FOLR1: variants seen among roughly 807,000 people sequenced by gnomAD.
FOLR1 encodes KB cells FBP.
In FOLR1, 11 loss-of-function variants were observed where a neutral mutation model predicts 22.8. The ratio of observed to expected loss-of-function variants is 0.48; its 90% CI spans 0.30 to 0.80. FOLR1 has a LOEUF of 0.80. Among genes scored for constraint, FOLR1 ranks in the 30% least tolerant of loss-of-function variants. FOLR1 has a pLI of 0.06. For synonymous variants in FOLR1, 108 were observed against 116.5 expected (o/e 0.93, Z 0.47); for missense variants, 273 against 320.3 (o/e 0.85, Z 1.13).
Position 72,196,026 on chromosome 11 carries a change from G to A in FOLR1, c.623G>A (p.Arg208His), listed in dbSNP as rs145250531. The A allele has an allele frequency of 1.2e-5, 19 of 1,614,060 alleles. No individual in the cohort carries two copies. The highest frequency in any genetic ancestry group is 8.3e-5 in the Admixed American group (5 of 59,982). Residue 208 changes from arginine to histidine, a missense_variant, in exon 4 of 4, where the codon CGC (arginine) becomes CAC (histidine). Physicochemically the swap from Arg to His is conservative, Grantham distance 29 (BLOSUM62 0). Coordinates refer to ENST00000393676, the MANE Select transcript of FOLR1 (RefSeq NM_016729.3). ...KVSNYSRGSG[R>H]CIQMWFDPAQ... Reference sequence around the variant, plus strand: ...AGCAACTACAGCCGAGGGAGTGGCCGCTGCATCCAGATGTGGTTCGACCCA... The same window carrying A: ...AGCAACTACAGCCGAGGGAGTGGCCACTGCATCCAGATGTGGTTCGACCCA...
In FOLR1 at chr11:72,196,132, T is replaced by G; in HGVS notation, c.729T>G (p.Pro243=). Residue 243 remains proline (P), a synonymous_variant, in exon 4 of 4, where the codon CCT becomes CCG. Transcript: ENST00000393676. The part of the protein sequence containing the change: ...MSGAGPWAAW[P]FLLSLALMLL... ...GGGCTGGGCCCTGGGCAGCCTGGCC[T>G]TTCCTGCTTAGCCTGGCCCTAATGC... is the stretch of plus-strand genomic sequence containing the variant. 6.2e-7 allele frequency: 1 copy of G among 1,614,178 alleles called. No homozygotes were observed. The highest frequency in any genetic ancestry group is 8.5e-7 in the Non-Finnish European group (1 of 1,180,034).
chr11:72,194,822 A>C (rs1948205381), intron 1 of FOLR1, among the ~76,000 whole-genome samples: 1 of 152,244 alleles, frequency 6.6e-6, no homozygotes, highest in Non-Finnish European at 1.5e-5. Flanking sequence ...CAAGTAAGCC[A>C]CTGCACCCAG....
chr11:72,190,025 G>A (rs1255299584), upstream of FOLR1, among the ~76,000 whole-genome samples: 1 of 152,182 alleles, frequency 6.6e-6, no homozygotes, highest in Non-Finnish European at 1.5e-5. Flanking sequence ...CCCAAGGTTG[G>A]GTGTGGGGGT....
chr11:72,190,155 A>C (rs925459854), upstream of FOLR1: 10 of 152,432 alleles, frequency 6.6e-5, no homozygotes, highest in African/African-American at 2.4e-4. Context: ...GCCTGGCTTC[A>C]GAAGCAGCCA....
rs753776182 is a variant in FOLR1 at position 72,195,982 on chromosome 11, GACTC to G, written c.584_587del (p.His195ProfsTer38). On this transcript the variant is annotated frameshift_variant, in exon 4 of 4. Transcript: ENST00000393676. LOFTEE classifies it low-confidence loss of function (END_TRUNC). ...CCACTGTTCTGTGCAATGAAATCTG[GACTC>G]ACTCCTACAAGGTCAGCAACTACAG... The G allele has an allele frequency of 1.7e-5, 27 of 1,614,012 alleles. No individual in the cohort carries two copies. The highest frequency in any genetic ancestry group is 2.2e-5 in the Non-Finnish European group (26 of 1,180,018).
At position 72,195,922 on chromosome 11, in the gene FOLR1, T is replaced by G. The variant is rs776132728; in HGVS notation, c.519T>G (p.Ala173=). The G allele has an allele frequency of 2.5e-6, 4 of 1,614,112 alleles. No homozygotes were observed. The East Asian group carries it at 8.9e-5, about 36-fold the overall frequency. ...GGTTTAACAAGTGCGCAGTGGGAGC[T>G]GCCTGCCAACCTTTCCATTTCTACT... The part of the protein sequence containing the change: ...TSGFNKCAVG[A]ACQPFHFYFP... The change falls in exon 4 of 4, where the codon GCT becomes GCG. Residue 173 remains alanine (A), a synonymous_variant. Transcript: ENST00000393676.
chr11:72,192,888 C>A (rs570925723), intron 1 of FOLR1, among the ~76,000 whole-genome samples: 1 of 152,086 alleles, frequency 6.6e-6, no homozygotes, highest in Non-Finnish European at 1.5e-5. Flanking sequence ...GAGCCGTACG[C>A]CCTCCTGAAG....
In FOLR1 at chr11:72,192,169, C is replaced by T. The variant is rs780451159; in HGVS notation, c.-5C>T. The T allele has an allele frequency of 6.8e-6, 11 of 1,613,970 alleles. No individual in the cohort carries two copies. The highest frequency in any genetic ancestry group is 1.3e-5 in the African/African-American group (1 of 74,934). Reference sequence around the variant, plus strand: ...CTGACCACAGCTCTTTCTTCAGGGACAGACATGGCTCAGCGGATGACAACA... The same window carrying T: ...CTGACCACAGCTCTTTCTTCAGGGATAGACATGGCTCAGCGGATGACAACA... On this transcript the variant is annotated 5_prime_UTR_variant, in exon 1 of 4. Transcript: ENST00000393676.
In FOLR1 at chr11:72,195,292, G is replaced by T. The variant is rs1131691637; in HGVS notation, c.190G>T (p.Ala64Ser). ...CCAGTGTCGACCCTGGAGGAAGAAT[G>T]CCTGCTGTTCTACCAACACCAGCCA... Reference protein sequence around the residue: ...HEQCRPWRKNACCSTNTSQEA... With the variant: ...HEQCRPWRKNSCCSTNTSQEA... The change falls in exon 2 of 4, where the codon GCC becomes TCC. Residue 64 changes from alanine (A) to serine (S), a missense_variant. Physicochemically the swap from Ala to Ser is moderately conservative, Grantham distance 99. Coordinates refer to ENST00000393676, the MANE Select transcript of FOLR1 (RefSeq NM_016729.3). 6.2e-7 allele frequency: 1 copy of T among 1,614,016 alleles called. No homozygotes were observed. The highest frequency in any genetic ancestry group is 1.7e-5 in the Admixed American group (1 of 59,884).
At chr11:72,195,571 T>G (rs1156288275) in intron 2 of FOLR1, 41 bp from the exon 3 acceptor site, 2 of 1,614,042 alleles carry the variant, frequency 1.2e-6, no homozygotes, top group Middle Eastern at 3.4e-4. Flanking sequence ...GTTGCTGGGA[T>G]TCTTGAACCT....
intron 1 of FOLR1, among the ~76,000 whole-genome samples, chr11:72,193,654 GT>G (rs1948187269): frequency 6.6e-6 from 1 of 152,014 alleles, no homozygotes; most frequent in Admixed American, 6.6e-5. Context: ...AGAGATGGGG[GT>G]TTCACCATGT....
At chr11:72,195,212 A>G (rs1948210552) in intron 1 of FOLR1, 59 bp from the exon 2 acceptor site, 1 of 1,509,238 alleles carries the variant, frequency 6.6e-7, no homozygotes, top group East Asian at 2.3e-5. Context: ...CATGTGGAAT[A>G]TTCTGGCTGT....
In FOLR1 at chr11:72,195,334, G is replaced by A. The variant is rs1417053720; in HGVS notation, c.232G>A (p.Val78Ile). Residue 78 changes from valine to isoleucine, a missense_variant, in exon 2 of 4, where the codon GTT (valine) becomes ATT (isoleucine). Val to Ile is a conservative substitution (Grantham distance 29, BLOSUM62 3). Transcript: ENST00000393676. ...TNTSQEAHKD[V>I]SYLYRFNWNH... ...CACCAGCCAGGAAGCCCATAAGGAT[G>A]TTTCCTACCTATATAGATTCAACTG... The A allele has an allele frequency of 1.2e-6, 2 of 1,614,226 alleles. No homozygotes were observed. The highest frequency in any genetic ancestry group is 1.7e-5 in the Admixed American group (1 of 60,022).
Position 72,192,277 on chromosome 11 carries a change from A to G in FOLR1, c.104A>G (p.Asn35Ser). 5 of 1,614,132 alleles carry G rather than the reference A, an allele frequency of 3.1e-6. No homozygotes were observed. Among genetic ancestry groups the G allele is most frequent in the Non-Finnish European group, 4.2e-6 (5 of 1,180,024 alleles). ...GCATGGGCCAGGACTGAGCTTCTCA[A>G]TGTCTGCATGAACGCCAAGCACCAC... ...RIAWARTELL[N>S]VCMNAKHHKE... Residue 35 changes from asparagine (N) to serine (S), a missense_variant, in exon 1 of 4, where the codon AAT becomes AGT. Asn to Ser is a conservative substitution (Grantham distance 46, BLOSUM62 1). Transcript: ENST00000393676.
chr11:72,192,050 C>G (rs548502266), upstream of FOLR1: 1,078 of 1,032,148 alleles, frequency 1.0e-3, 1 homozygote, highest in Non-Finnish European at 1.2e-3. Flanking sequence ...GAGATGGGGG[C>G]AGGGCTCTAT....
At chr11:72,195,135 A>G in intron 1 of FOLR1, 136 bp from the exon 2 acceptor site, 5 of 883,190 alleles carry the variant, frequency 5.7e-6, no homozygotes, top group South Asian at 2.8e-5. Context: ...AGAGGTCCCA[A>G]TAGCAAGTAT....
At chr11:72,190,909 G>A (rs1591242862), upstream of FOLR1, among the ~76,000 whole-genome samples, 1 of 152,206 alleles carries the variant, frequency 6.6e-6, no homozygotes, top group East Asian at 1.9e-4. Context: ...CGGGGGCAAG[G>A]CAAGCTTGTG....
chr11:72,191,563 TG>T (rs1948157901), upstream of FOLR1, among the ~76,000 whole-genome samples: 1 of 152,068 alleles, frequency 6.6e-6, no homozygotes, highest in Non-Finnish European at 1.5e-5. Flanking sequence ...GGTTTCACTA[TG>T]TTGGCCAGGC....
upstream of FOLR1, chr11:72,191,996 G>A: frequency 1.5e-6 from 1 of 648,200 alleles, no homozygotes. Flanking sequence ...CCAGGGAGGG[G>A]TGGTGTCTAA....
Sources: gnomAD v4.1 joint callset for allele counts (sites outside exome capture counted in the v4.1 genomes callset) on GRCh38, gnomAD v4.1.1 for gene constraint, MANE v1.5 for transcripts, NCBI Gene and HGNC (gene_info 2026-07-23, HGNC 2026-07-21) for gene names.